MGAT4C: variants seen among roughly 807,000 people sequenced by gnomAD.
MGAT4C encodes the protein MGAT4 family member C.
A neutral mutation model predicts 40.1 loss-of-function variants in MGAT4C; 19 were observed. The observed-to-expected ratio is 0.47, with a 90% CI of 0.33 to 0.70. MGAT4C has a LOEUF of 0.70. MGAT4C is among the 30% of genes least tolerant of loss of function. The pLI is 0.02. For synonymous variants in MGAT4C, 181 were observed against 187.1 expected (o/e 0.97, Z 0.27); for missense variants, 491 against 563.2 (o/e 0.87, Z 1.30).
chr12:86,704,940 T>A (rs1352305881), intron 2 of MGAT4C, among the ~76,000 whole-genome samples: 3 of 152,106 alleles, frequency 2.0e-5, no homozygotes, highest in Non-Finnish European at 4.4e-5. Context: ...CTTTCCATAT[T>A]TTTCTCCCAC....
At chr12:86,440,545 AC>A (rs1456493884) in intron 2 of MGAT4C, among the ~76,000 whole-genome samples, 1 of 151,994 alleles carries the variant, frequency 6.6e-6, no homozygotes, top group Admixed American at 6.6e-5. Flanking sequence ...AAAGAAGAAA[AC>A]ATTCCCTATA....
intron 2 of MGAT4C, among the ~76,000 whole-genome samples, chr12:86,038,284 AC>A (rs1288333936): frequency 6.7e-6 from 1 of 149,696 alleles, no homozygotes; most frequent in Admixed American, 6.7e-5. Flanking sequence ...TCCAGATGCC[AC>A]GAGCGGTTTA....
intron 4 of MGAT4C, among the ~76,000 whole-genome samples, chr12:86,272,867 A>G (rs1364640364): frequency 6.6e-6 from 1 of 152,112 alleles, no homozygotes; most frequent in East Asian, 1.9e-4. Context: ...AAATAAATAA[A>G]TAAATTAAAT....
At chr12:85,992,878 T>A (rs550890204) in intron 2 of MGAT4C, among the ~76,000 whole-genome samples, 4 of 152,150 alleles carry the variant, frequency 2.6e-5, no homozygotes, top group African/African-American at 9.7e-5. Flanking sequence ...TAGATGGCCA[T>A]CTCAGGAGAG....
chr12:86,598,006 G>C (rs566893961), intron 2 of MGAT4C, among the ~76,000 whole-genome samples: 1 of 152,184 alleles, frequency 6.6e-6, no homozygotes, highest in South Asian at 2.1e-4. Flanking sequence ...TCCATTCATG[G>C]TAAGTGTCTT....
intron 3 of MGAT4C, among the ~76,000 whole-genome samples, chr12:86,417,015 A>C (rs374773323): frequency 6.6e-6 from 1 of 152,102 alleles, no homozygotes; most frequent in Non-Finnish European, 1.5e-5. Context: ...CCATGAGACA[A>C]TACATTTCTA....
intron 1 of MGAT4C, among the ~76,000 whole-genome samples, chr12:86,195,048 T>C (rs927858584): frequency 6.6e-6 from 1 of 152,206 alleles, no homozygotes; most frequent in Non-Finnish European, 1.5e-5. Context: ...TCCTCTTGCT[T>C]TCTGGGATCT....
chr12:86,239,924 C>T (rs1239835465), intron 1 of MGAT4C, among the ~76,000 whole-genome samples: 1 of 149,846 alleles, frequency 6.7e-6, no homozygotes, highest in Non-Finnish European at 1.5e-5. Flanking sequence ...ATACCTAATG[C>T]TAGATGACAC....
chr12:86,493,017 A>T (rs1592914428), intron 2 of MGAT4C, among the ~76,000 whole-genome samples: 1 of 151,410 alleles, frequency 6.6e-6, no homozygotes, highest in East Asian at 1.9e-4. Context: ...AAAAGAAGAC[A>T]TTTATGCAGC....
chr12:86,626,997 T>C (rs1178184440), intron 2 of MGAT4C, among the ~76,000 whole-genome samples: 1 of 152,208 alleles, frequency 6.6e-6, no homozygotes, highest in African/African-American at 2.4e-5. Flanking sequence ...GTACCAGGAA[T>C]ATCGGGACAC....
chr12:86,500,567 T>C (rs1041802204), intron 2 of MGAT4C, among the ~76,000 whole-genome samples: 1 of 151,968 alleles, frequency 6.6e-6, no homozygotes. Flanking sequence ...ATTTATTAAA[T>C]ACATTAATAT....
At chr12:86,269,048 A>G (rs1287240490) in intron 4 of MGAT4C, among the ~76,000 whole-genome samples, 4 of 110,564 alleles carry the variant, frequency 3.6e-5, no homozygotes, top group South Asian at 6.4e-4. Context: ...ATATATATAT[A>G]TATATATATA....
intron 1 of MGAT4C, among the ~76,000 whole-genome samples, chr12:86,794,078 A>G (rs1258489267): frequency 6.6e-6 from 1 of 151,954 alleles, no homozygotes; most frequent in African/African-American, 2.4e-5. Context: ...ATAAGTAACT[A>G]GAAATTATGA....
chr12:85,981,378 A>G (rs1008556110), intron 4 of MGAT4C, among the ~76,000 whole-genome samples: 2 of 152,204 alleles, frequency 1.3e-5, no homozygotes, highest in African/African-American at 2.4e-5. Flanking sequence ...GGAAATCTAT[A>G]TACAACAAGA....
chr12:86,394,146 A>C (rs1460223461), intron 3 of MGAT4C, among the ~76,000 whole-genome samples: 1 of 152,208 alleles, frequency 6.6e-6, no homozygotes, highest in Non-Finnish European at 1.5e-5. Flanking sequence ...AGGATGGCAG[A>C]GAAGAGGGAA....
At chr12:86,681,901 A>C (rs989659097) in intron 2 of MGAT4C, among the ~76,000 whole-genome samples, 2 of 151,968 alleles carry the variant, frequency 1.3e-5, no homozygotes, top group Non-Finnish European at 2.9e-5. Flanking sequence ...AACAAAAATG[A>C]CTTGAAACCC....
At chr12:86,669,871 T>A (rs1278773296) in intron 2 of MGAT4C, among the ~76,000 whole-genome samples, 1 of 152,162 alleles carries the variant, frequency 6.6e-6, no homozygotes, top group Non-Finnish European at 1.5e-5. Flanking sequence ...CATCTACTGG[T>A]TTGTAGGTTG....
intron 2 of MGAT4C, among the ~76,000 whole-genome samples, chr12:86,703,338 T>G (rs1265473892): frequency 2.0e-5 from 3 of 152,204 alleles, no homozygotes; most frequent in Non-Finnish European, 2.9e-5. Flanking sequence ...TAAAATGCTA[T>G]ATAACATCAT....
intron 1 of MGAT4C, among the ~76,000 whole-genome samples, chr12:86,155,799 A>C (rs1178888667): frequency 6.6e-6 from 1 of 152,158 alleles, no homozygotes; most frequent in African/African-American, 2.4e-5. Context: ...GGTAAGAAAA[A>C]ATATTCTAAA....
Sources: allele counts gnomAD v4.1 joint callset (sites outside exome capture counted in the v4.1 genomes callset), GRCh38; gene constraint gnomAD v4.1.1; transcripts MANE v1.5; gene names NCBI Gene and HGNC (gene_info 2026-07-23, HGNC 2026-07-21).